The following ASH1L variants were observed in gnomAD, a reference collection of about 807,000 sequenced individuals.
ASH1L encodes ASH1 like histone lysine methyltransferase, also known as histone-lysine N-methyltransferase ASH1L.
In ASH1L, 23 loss-of-function variants were observed where a neutral mutation model predicts 269.0. That is an observed-to-expected ratio of 0.09 (90% CI 0.06 to 0.12). The LOEUF (loss-of-function observed/expected upper bound fraction) is 0.12, where lower values mean the gene tolerates loss of function less well. Among genes scored for constraint, ASH1L ranks in the 10% least tolerant of loss-of-function variants. The pLI is 1.00. For synonymous variants in ASH1L, 1,187 were observed against 1,253.5 expected (o/e 0.95, Z 1.12); for missense variants, 2,912 against 3,567.8 (o/e 0.82, Z 4.68).
At chr1:155,360,546 C>A (rs917179538) in intron 12 of ASH1L, 137 bp from the exon 13 acceptor site, 2 of 568,338 alleles carry the variant, frequency 3.5e-6, no homozygotes, top group South Asian at 4.0e-5. Context: ...CGGATTCAAG[C>A]GATTCTCCTG....
rs1668859350 is a variant in ASH1L at position 155,521,140 on chromosome 1, T to C, written c.380A>G (p.Lys127Arg). ...KHPRKALKSG[K>R]MTDEKNEHCP... is the part of the protein sequence containing the mutation. ...GTGTTCATTCTTTTCATCCGTCATC[T>C]TTCCACTTTTAAGTGCTTTCCTTGG... Residue 127 changes from lysine to arginine, a missense_variant, in exon 2 of 28, where the codon AAG (lysine) becomes AGG (arginine). Lys to Arg is a conservative substitution (Grantham distance 26). This residue lies in a region of ASH1L where 277 missense variants were observed against 367.7 expected (regional missense o/e 0.75). Coordinates refer to ENST00000392403, the MANE Select transcript of ASH1L (RefSeq NM_018489.3). 3 of 1,608,534 alleles carry C rather than the reference T, an allele frequency of 1.9e-6. No homozygotes were observed. Among genetic ancestry groups the C allele is most frequent in the Admixed American group, 1.7e-5 (1 of 58,842 alleles).
At chr1:155,437,180 T>C (rs1662169937) in intron 5 of ASH1L, among the ~76,000 whole-genome samples, 1 of 152,142 alleles carries the variant, frequency 6.6e-6, no homozygotes, top group Non-Finnish European at 1.5e-5. Flanking sequence ...ATCCACAGAA[T>C]AGGAGAAAAG....
chr1:155,358,532 C>CA (rs1260736445), intron 13 of ASH1L, among the ~76,000 whole-genome samples: 2 of 151,550 alleles, frequency 1.3e-5, no homozygotes, highest in Non-Finnish European at 2.9e-5. Flanking sequence ...AAAAAAAATA[C>CA]AAAAAATTAG....
At chr1:155,537,589 C>T (rs1366985021) in intron 1 of ASH1L, among the ~76,000 whole-genome samples, 2 of 152,186 alleles carry the variant, frequency 1.3e-5, no homozygotes, top group African/African-American at 4.8e-5. Flanking sequence ...AAGAAAAGAA[C>T]TCAGACCCTT....
At chr1:155,379,996 C>G in intron 8 of ASH1L, 47 bp downstream of exon 8, 1 of 1,368,090 alleles carries the variant, frequency 7.3e-7, no homozygotes, top group Non-Finnish European at 1.0e-6. Flanking sequence ...CCACCCCTCC[C>G]CCTTTACCAC....
intron 2 of ASH1L, among the ~76,000 whole-genome samples, chr1:155,499,347 C>T (rs1667361158): frequency 6.6e-6 from 1 of 152,020 alleles, no homozygotes; most frequent in South Asian, 2.1e-4. Flanking sequence ...TCTTTTATTC[C>T]CAACATGAAA....
At chr1:155,502,045 A>G (rs1667541884) in intron 2 of ASH1L, among the ~76,000 whole-genome samples, 1 of 150,542 alleles carries the variant, frequency 6.6e-6, no homozygotes, top group Admixed American at 6.6e-5. Context: ...TAATACAGTT[A>G]TGACAGTTTT....
intron 4 of ASH1L, among the ~76,000 whole-genome samples, chr1:155,454,543 T>A (rs2148662201): frequency 6.6e-6 from 1 of 152,196 alleles, no homozygotes; most frequent in Admixed American, 6.5e-5. Context: ...CGAGGTGGGC[T>A]GATTACTTGA....
At chr1:155,457,187 C>T (rs1663921114) in intron 4 of ASH1L, among the ~76,000 whole-genome samples, 3 of 152,130 alleles carry the variant, frequency 2.0e-5, no homozygotes, top group South Asian at 2.1e-4. Flanking sequence ...TTTAACACTC[C>T]AAGACCTATC....
chr1:155,454,512 A>G (rs1663736331), intron 4 of ASH1L, among the ~76,000 whole-genome samples: 1 of 152,238 alleles, frequency 6.6e-6, no homozygotes, highest in African/African-American at 2.4e-5. Context: ...TCAGGCCTGT[A>G]ATCCCAGCAC....
Position 155,479,283 on chromosome 1 carries a change from G to A in ASH1L, c.3587C>T (p.Thr1196Ile). ...SPISESHSDE[T>I]IPSDSGIGTD... is the part of the protein sequence containing the mutation. ...TCCAATTCCACTATCACTGGGAATG[G>A]TCTCATCACTATGAGACTCACTGAT... Residue 1196 changes from threonine (T) to isoleucine (I), a missense_variant, in exon 3 of 28, where the codon ACC becomes ATC. Coordinates refer to ENST00000392403, the MANE Select transcript of ASH1L (RefSeq NM_018489.3). The A allele has an allele frequency of 1.2e-6, 2 of 1,614,056 alleles. No homozygotes were observed. Among genetic ancestry groups the A allele is most frequent in the South Asian group, 1.1e-5 (1 of 91,076 alleles).
chr1:155,483,542 T>C (rs1331804672), intron 2 of ASH1L, among the ~76,000 whole-genome samples: 2 of 152,012 alleles, frequency 1.3e-5, no homozygotes, highest in Non-Finnish European at 2.9e-5. Flanking sequence ...CAAGCACGTA[T>C]GAAAATGTAC....
intron 5 of ASH1L, chr1:155,434,158 G>T: frequency 6.3e-7 from 1 of 1,593,852 alleles, no homozygotes. Flanking sequence ...CAGGCTATGG[G>T]AGCCCTCACT....
chr1:155,477,257 C>A (rs1665626929), intron 3 of ASH1L, among the ~76,000 whole-genome samples: 1 of 152,098 alleles, frequency 6.6e-6, no homozygotes, highest in Admixed American at 6.5e-5. Flanking sequence ...TCTAGATGTA[C>A]AAATGCATTT....
At chr1:155,349,151 T>C (rs1383593422) in intron 19 of ASH1L, among the ~76,000 whole-genome samples, 176 bp downstream of exon 19, 2 of 152,064 alleles carry the variant, frequency 1.3e-5, no homozygotes, top group African/African-American at 4.8e-5. Flanking sequence ...AATGTCTTCA[T>C]AGATAGCCTT....
intron 2 of ASH1L, among the ~76,000 whole-genome samples, chr1:155,485,951 CTA>C (rs1558157295): frequency 6.8e-6 from 1 of 148,096 alleles, no homozygotes; most frequent in Non-Finnish European, 1.5e-5. Flanking sequence ...TGAAATGTGT[CTA>C]TTGAAAAAAA....
chr1:155,406,122 T>C (rs538645344), intron 6 of ASH1L, among the ~76,000 whole-genome samples: 2 of 145,500 alleles, frequency 1.4e-5, no homozygotes, highest in African/African-American at 2.6e-5. Context: ...GAGAATTGCT[T>C]AAACCCAGGG....
At chr1:155,389,009 TAA>T (rs1309693360) in intron 7 of ASH1L, among the ~76,000 whole-genome samples, 2 of 151,142 alleles carry the variant, frequency 1.3e-5, no homozygotes, top group East Asian at 3.9e-4. Context: ...ATGCCTGGAC[TAA>T]TTCTTTTTTT....
chr1:155,346,087 G>T, intron 21 of ASH1L: 1 of 1,126,368 alleles, frequency 8.9e-7, no homozygotes, highest in Non-Finnish European at 1.2e-6. Context: ...ATCCGCCTTA[G>T]CCTCCCAGTG....
Sources: allele counts gnomAD v4.1 joint callset (sites outside exome capture counted in the v4.1 genomes callset), GRCh38; gene constraint gnomAD v4.1.1; regional missense constraint gnomAD v4.1.1; transcripts MANE v1.5; gene names NCBI Gene and HGNC (gene_info 2026-07-23, HGNC 2026-07-21).